TCHHL1: variants seen among roughly 807,000 people sequenced by gnomAD.
TCHHL1 encodes the protein trichohyalin-like protein 1.
A neutral mutation model predicts 3.5 loss-of-function variants in TCHHL1; 1 was observed. That is an observed-to-expected ratio of 0.29 (90% confidence interval 0.10 to 1.36). TCHHL1 has a LOEUF of 1.36. TCHHL1 is among the 40% of genes most tolerant of loss of function. TCHHL1 has a pLI of 0.43. For missense variants in TCHHL1, 1,027 were observed against 1,032.8 expected, an observed-to-expected ratio of 0.99 and a Z score of 0.08; for synonymous variants, 405 against 375.3, an observed-to-expected ratio of 1.08 and a Z score of -0.92.
rs768960876 is a variant in TCHHL1 at position 152,088,029 on chromosome 1, C to T, written c.115G>A (p.Gly39Ser). The change falls in exon 2 of 3, where the codon GGC becomes AGC. Residue 39 changes from glycine to serine, a missense_variant. Physicochemically the swap from Gly to Ser is moderately conservative, Grantham distance 56. Around this residue, in one of 3 missense-constraint regions of TCHHL1, gnomAD observed 338 missense variants for 335.9 expected, o/e 1.01. Transcript: ENST00000368806. ...TGRELKQLIQ[G>S]EFGDFFQPCV... ...ACCTGAAAAAAGTCCCCAAACTCGCCCTGGATGAGTTGTTTCAGCTCTCTG... is the reference window on the plus strand; with the variant it reads ...ACCTGAAAAAAGTCCCCAAACTCGCTCTGGATGAGTTGTTTCAGCTCTCTG... 6.2e-7 allele frequency: 1 copy of T among 1,604,880 alleles called. No individual in the cohort carries two copies. The highest frequency in any genetic ancestry group is 8.5e-7 in the Non-Finnish European group (1 of 1,177,196).
chr1:152,088,536 T>C (rs1026005668), intron 1 of TCHHL1, among the ~76,000 whole-genome samples: 4 of 152,214 alleles, frequency 2.6e-5, no homozygotes, highest in Non-Finnish European at 2.9e-5. Flanking sequence ...AGAGTGTCTA[T>C]CTGCTCTCCT....
At chr1:152,088,309 GGTGATTT>G in intron 1 of TCHHL1, 146 bp from the exon 2 acceptor site, 1 of 658,332 alleles carries the variant, frequency 1.5e-6, no homozygotes. Context: ...GAACTCCAGG[GGTGATTT>G]AGTATTGTAC....
At position 152,086,823 on chromosome 1, in the gene TCHHL1, T is replaced by G. The variant is rs1179152385; in HGVS notation, c.859A>C (p.Asn287His). 1 of 1,614,078 alleles carries G rather than the reference T, an allele frequency of 6.2e-7. No individual in the cohort carries two copies. Among genetic ancestry groups the G allele is most frequent in the Non-Finnish European group, 8.5e-7 (1 of 1,180,044 alleles). The change falls in exon 3 of 3, where the codon AAT (asparagine) becomes CAT (histidine). Residue 287 changes from asparagine (N) to histidine (H), a missense_variant. By Grantham distance (68) the Asn-to-His change is moderately conservative. Around this residue, in one of 3 missense-constraint regions of TCHHL1, gnomAD observed 338 missense variants for 335.9 expected, o/e 1.01. Transcript: ENST00000368806. ...EVRTEKEKHSNIQEPPLQRED... is the reference protein window; with the variant it reads ...EVRTEKEKHSHIQEPPLQRED... Reference sequence around the variant, plus strand: ...CTTTGTAGGGGTGGTTCTTGTATATTAGAGTGTTTTTCCTTTTCTGTTCTA... The same window carrying G: ...CTTTGTAGGGGTGGTTCTTGTATATGAGAGTGTTTTTCCTTTTCTGTTCTA...
Position 152,087,559 on chromosome 1 carries a change from G to T in TCHHL1, c.139-16C>A. 1 of 1,570,570 alleles carries T rather than the reference G, an allele frequency of 6.4e-7. No individual in the cohort carries two copies. The highest frequency in any genetic ancestry group is 8.6e-7 in the Non-Finnish European group (1 of 1,167,428). ...GGACACAGGGCTGCATGAAAACACA[G>T]TGAGAAATCAGCTTATTTATATGTG... On this transcript the variant is annotated splice_polypyrimidine_tract_variant and intron_variant, in intron 2 of 2. Coordinates refer to ENST00000368806, the MANE Select transcript of TCHHL1 (RefSeq NM_001008536.2).
rs1250120300 is a variant in TCHHL1 at position 152,085,430 on chromosome 1, G to GTC, written c.2251_2252insGA (p.Pro751ArgfsTer66). ...ACCACCTTCTCCTGCCAGCTCTTGG[G>GTC]GACTTTCATCTTCCTCCTCTGATGT... On this transcript the variant is annotated frameshift_variant, in exon 3 of 3. Transcript: ENST00000368806. LOFTEE classifies it low-confidence loss of function (END_TRUNC). 1 of 1,614,102 alleles carries GTC rather than the reference G, an allele frequency of 6.2e-7. No homozygotes were observed. The highest frequency in any genetic ancestry group is 1.1e-5 in the South Asian group (1 of 91,084).
At position 152,087,113 on chromosome 1, in the gene TCHHL1, T is replaced by C. The variant is rs985488421; in HGVS notation, c.569A>G (p.Gln190Arg). ...NKHLEGDEQS[Q>R]EVAQDIQTTE... The stretch of plus-strand genomic sequence containing the variant: ...TGTTTGTATATCTTGAGCCACTTCC[T>C]GACTTTGTTCATCTCCTTCCAGGTG... The change falls in exon 3 of 3, where the codon CAG (glutamine) becomes CGG (arginine). Residue 190 changes from glutamine to arginine, a missense_variant. Transcript: ENST00000368806. 3 of 1,614,112 alleles carry C rather than the reference T, an allele frequency of 1.9e-6. No homozygotes were observed. Among genetic ancestry groups the C allele is most frequent in the Admixed American group, 1.7e-5 (1 of 60,012 alleles).
rs748617309 is a variant in TCHHL1, at chr1:152,084,940, T to C, written c.*27A>G. ...GTATTGAGGGTGATTGGGAGAGAAA[T>C]TGGGGGCATGTTGAGATGATAATGA... On this transcript the variant is annotated 3_prime_UTR_variant, in exon 3 of 3. Transcript: ENST00000368806. The C allele has an allele frequency of 6.9e-6, 11 of 1,595,660 alleles. No homozygotes were observed. The highest frequency in any genetic ancestry group is 3.4e-5 in the Admixed American group (2 of 58,510).
In TCHHL1 at chr1:152,085,797, C is replaced by T; in HGVS notation, c.1885G>A (p.Ala629Thr). The change falls in exon 3 of 3, where the codon GCC becomes ACC. Residue 629 changes from alanine (A) to threonine (T), a missense_variant. This residue lies in a region of TCHHL1 where 673 missense variants were observed against 658.6 expected (regional missense o/e 1.02). Coordinates refer to ENST00000368806, the MANE Select transcript of TCHHL1 (RefSeq NM_001008536.2). ...CCTTGATTCTTGTGTTCTCCTCTGGCAGGCTGTTCCTGGTCCTCTGTGAGC... is the reference window on the plus strand; with the variant it reads ...CCTTGATTCTTGTGTTCTCCTCTGGTAGGCTGTTCCTGGTCCTCTGTGAGC... ...VQLTEDQEQP[A>T]RGEHKNQGPG... 1 of 1,614,204 alleles carries T rather than the reference C, an allele frequency of 6.2e-7. No individual in the cohort carries two copies. Among genetic ancestry groups the T allele is most frequent in the Non-Finnish European group, 8.5e-7 (1 of 1,180,048 alleles).
rs756910240 is a variant in TCHHL1, at chr1:152,086,351, G to A, written c.1331C>T (p.Thr444Ile). ...KSKDAEKGSETQYLSSEGGDQ... is the reference protein window; with the variant it reads ...KSKDAEKGSEIQYLSSEGGDQ... ...TCCTCCTTCTGAGCTTAGATATTGT[G>A]TCTCAGAACCTTTTTCAGCATCTTT... The change falls in exon 3 of 3, where the codon ACA becomes ATA. Residue 444 changes from threonine (T) to isoleucine (I), a missense_variant. Coordinates refer to ENST00000368806, the MANE Select transcript of TCHHL1 (RefSeq NM_001008536.2). 8.1e-6 allele frequency: 13 copies of A among 1,614,162 alleles called. No individual in the cohort carries two copies. The East Asian group carries it at 2.2e-4, about 28-fold the overall frequency.
intron 1 of TCHHL1, among the ~76,000 whole-genome samples, chr1:152,088,385 C>A: frequency 6.6e-6 from 1 of 152,142 alleles, no homozygotes; most frequent in East Asian, 1.9e-4. Flanking sequence ...ACAATTCACC[C>A]CACTCTTCAG....
chr1:152,087,400 A>G lies in TCHHL1; in HGVS notation c.282T>C (p.Ser94=), dbSNP rs748062912. Residue 94 remains serine (S), a synonymous_variant, in exon 3 of 3, where the codon TCT becomes TCC. Transcript: ENST00000368806. ...CTGGTTTAGTCACCTGTCTTAGTTC[A>G]GAACTTAGTAATGATTTTATGTCAA... ...CYLDIKSLLS[S]ELRQVTKPEK... 1 of 1,613,002 alleles carries G rather than the reference A, an allele frequency of 6.2e-7. No homozygotes were observed. The highest frequency in any genetic ancestry group is 1.1e-5 in the South Asian group (1 of 91,084).
chr1:152,087,517 T>C lies in TCHHL1; in HGVS notation c.165A>G (p.Lys55=). ...TGTCAATATTCAGAAGATTTGAATT[T>C]TTTTCCACAGCATGAAGGACACAGG... ...FQPCVLHAVE[K]NSNLLNIDSN... Residue 55 remains lysine, a synonymous_variant, in exon 3 of 3, where the codon AAA becomes AAG. Coordinates refer to ENST00000368806, the MANE Select transcript of TCHHL1 (RefSeq NM_001008536.2). 1 of 1,598,248 alleles carries C rather than the reference T, an allele frequency of 6.3e-7. No individual in the cohort carries two copies. The highest frequency in any genetic ancestry group is 8.5e-7 in the Non-Finnish European group (1 of 1,179,148).
Position 152,085,857 on chromosome 1 carries a change from C to A in TCHHL1, c.1825G>T (p.Ala609Ser). 1 of 1,614,192 alleles carries A rather than the reference C, an allele frequency of 6.2e-7. No individual in the cohort carries two copies. The highest frequency in any genetic ancestry group is 8.5e-7 in the Non-Finnish European group (1 of 1,180,034). ...TCTCCTCTGACTGCTGGTACCACTG[C>A]CTCCAGAGCTCTGTTTTTCTCACCA... ...TPGEKNRALE[A>S]VVPAVRGEDV... is the part of the protein sequence containing the mutation. Residue 609 changes from alanine to serine, a missense_variant, in exon 3 of 3, where the codon GCA becomes TCA. Around this residue, in one of 3 missense-constraint regions of TCHHL1, gnomAD observed 673 missense variants for 658.6 expected, o/e 1.02. Coordinates refer to ENST00000368806, the MANE Select transcript of TCHHL1 (RefSeq NM_001008536.2).
rs772697835 is a variant in TCHHL1 at position 152,085,771 on chromosome 1, G to A, written c.1911C>T (p.Gly637=). ...QPARGEHKNQ[G]PGTKGPGAAV... ...CTGCACCTGGGCCTTTGGTCCCTGG[G>A]CCTTGATTCTTGTGTTCTCCTCTGG... The change falls in exon 3 of 3, where the codon GGC becomes GGT. Residue 637 remains glycine, a synonymous_variant. Coordinates refer to ENST00000368806, the MANE Select transcript of TCHHL1 (RefSeq NM_001008536.2). 45 of 1,614,002 alleles carry A rather than the reference G, an allele frequency of 2.8e-5. No homozygotes were observed. The Admixed American group carries it at 7.5e-4, about 27-fold the overall frequency.
rs1657739686 is a variant in TCHHL1, at chr1:152,086,803, T to C, written c.879A>G (p.Leu293=). Residue 293 remains leucine (L), a synonymous_variant, in exon 3 of 3, where the codon CTA becomes CTG. Transcript: ENST00000368806. Reference sequence around the variant, plus strand: ...GTGAACTGGGCTCATCTTCTCTTTGTAGGGGTGGTTCTTGTATATTAGAGT... The same window carrying C: ...GTGAACTGGGCTCATCTTCTCTTTGCAGGGGTGGTTCTTGTATATTAGAGT... The part of the protein sequence containing the change: ...EKHSNIQEPP[L]QREDEPSSQH... 1 of 1,614,176 alleles carries C rather than the reference T, an allele frequency of 6.2e-7. No individual in the cohort carries two copies. Among genetic ancestry groups the C allele is most frequent in the African/African-American group, 1.3e-5 (1 of 75,048 alleles).
chr1:152,088,057 A>G lies in TCHHL1; in HGVS notation c.87T>C (p.Thr29=), dbSNP rs112246561. Residue 29 remains threonine (T), a synonymous_variant, in exon 2 of 3, where the codon ACT becomes ACC. Transcript: ENST00000368806. ...GGATGAGTTGTTTCAGCTCTCTGCCAGTCAGTGTTGCCCCGTTACTGTCCT... is the reference window on the plus strand; with the variant it reads ...GGATGAGTTGTTTCAGCTCTCTGCCGGTCAGTGTTGCCCCGTTACTGTCCT... ...ASEDSNGATL[T]GRELKQLIQG... is the part of the protein sequence containing the mutation. 5 of 1,611,794 alleles carry G rather than the reference A, an allele frequency of 3.1e-6. No homozygotes were observed. Among genetic ancestry groups the G allele is most frequent in the African/African-American group, 1.3e-5 (1 of 74,922 alleles).
rs151016610 is a variant in TCHHL1 at position 152,086,138 on chromosome 1, C to G, written c.1544G>C (p.Arg515Thr). The G allele has an allele frequency of 5.6e-6, 9 of 1,614,162 alleles. No individual in the cohort carries two copies. The highest frequency in any genetic ancestry group is 7.6e-6 in the Non-Finnish European group (9 of 1,180,020). Residue 515 changes from arginine (R) to threonine (T), a missense_variant, in exon 3 of 3, where the codon AGG becomes ACG. Physicochemically the swap from Arg to Thr is moderately conservative, Grantham distance 71 (BLOSUM62 -1). Transcript: ENST00000368806. Reference protein sequence around the residue: ...LEKQSVGENTRVTKTHDQPVE... With the variant: ...LEKQSVGENTTVTKTHDQPVE... The stretch of plus-strand genomic sequence containing the variant: ...TGGTTGGTCATGAGTCTTGGTGACC[C>G]TAGTATTTTCTCCTACAGACTGCTT...
chr1:152,088,464 A>G (rs1268443226), intron 1 of TCHHL1, among the ~76,000 whole-genome samples: 4 of 152,340 alleles, frequency 2.6e-5, no homozygotes, highest in Admixed American at 6.5e-5. Context: ...GAACTCAAGC[A>G]TAAGGATTGA....
Position 152,087,258 on chromosome 1 carries a change from A to G in TCHHL1, c.424T>C (p.Ser142Pro). Reference protein sequence around the residue: ...RMLPSGMASSSQLIPEESGAV... With the variant: ...RMLPSGMASSPQLIPEESGAV... ...CCACTTTCTTCAGGGATGAGCTGAG[A>G]TGATGATGCCATTCCTGAAGGAAGC... is the stretch of plus-strand genomic sequence containing the variant. Residue 142 changes from serine (S) to proline (P), a missense_variant, in exon 3 of 3, where the codon TCT (serine) becomes CCT (proline). Physicochemically the swap from Ser to Pro is moderately conservative, Grantham distance 74. Coordinates refer to ENST00000368806, the MANE Select transcript of TCHHL1 (RefSeq NM_001008536.2). 1 of 1,614,036 alleles carries G rather than the reference A, an allele frequency of 6.2e-7. No homozygotes were observed. The highest frequency in any genetic ancestry group is 1.1e-5 in the South Asian group (1 of 91,072).
Sources: allele counts gnomAD v4.1 joint callset (sites outside exome capture counted in the v4.1 genomes callset), GRCh38; gene constraint gnomAD v4.1.1; regional missense constraint gnomAD v4.1.1; transcripts MANE v1.5; gene names NCBI Gene and HGNC (gene_info 2026-07-23, HGNC 2026-07-21).